Variants in PTPN22 observed in about 807,000 individuals in gnomAD.
The protein encoded by PTPN22 is tyrosine-protein phosphatase non-receptor type 22.
Under a neutral mutation model 103.3 loss-of-function variants are expected in PTPN22, and 85 were observed. The ratio of observed to expected loss-of-function variants is 0.82; its 90% CI spans 0.69 to 0.99. The LOEUF (loss-of-function observed/expected upper bound fraction) is 0.99, where lower values mean the gene tolerates loss of function less well. Among genes scored for constraint, PTPN22 ranks in the 50% least tolerant of loss-of-function variants. The probability of loss-of-function intolerance (pLI) is 0.00; values close to 1 mark genes in which losing one functional copy is unlikely to be tolerated. For missense variants in PTPN22, 865 were observed against 936.9 expected (o/e 0.92, Z 1.00); for synonymous variants, 323 against 310.2 (o/e 1.04, Z -0.43).
Position 113,838,523 on chromosome 1 carries a change from G to T in PTPN22, c.992+21C>A, listed in dbSNP as rs537000623. ...CCCAGACACAATTAGTCAACATTTAGATATATAAAATTGTACTCACCTTTT... is the reference window on the plus strand; with the variant it reads ...CCCAGACACAATTAGTCAACATTTATATATATAAAATTGTACTCACCTTTT... On this transcript the variant is annotated intron_variant, in intron 12 of 20. Coordinates refer to ENST00000359785, the Ensembl canonical transcript of PTPN22. The T allele has an allele frequency of 1.4e-4, 231 of 1,608,904 alleles. No individual in the cohort carries two copies. In the South Asian group the frequency reaches 2.0e-3, roughly 14 times the overall value.
At chr1:113,841,616 G>A (rs1174666316) in intron 11 of PTPN22, among the ~76,000 whole-genome samples, 2 of 139,238 alleles carry the variant, frequency 1.4e-5, no homozygotes, top group South Asian at 2.2e-4. Flanking sequence ...TTTTTTTGGT[G>A]GAGGGGGACA....
intron 11 of PTPN22, among the ~76,000 whole-genome samples, chr1:113,839,898 A>G (rs1056397287): frequency 2.3e-4 from 31 of 132,622 alleles, no homozygotes; most frequent in Non-Finnish European, 3.2e-4. Context: ...TTCTTAGGCA[A>G]GAAAAAAAAA....
At chr1:113,843,109 A>AAAAAAAAAAAG (rs1432752730) in intron 11 of PTPN22, among the ~76,000 whole-genome samples, 1 of 144,234 alleles carries the variant, frequency 6.9e-6, no homozygotes, top group South Asian at 2.2e-4. Flanking sequence ...CAAAAAAAAA[A>AAAAAAAAAAAG]AAAAAGAAAA....
rs115684354 is a variant in PTPN22, at chr1:113,839,229, C to T, written c.916-609G>A. ...CCCAACCTAAAATCACATTTCTTCC[C>T]CTGTCCAGCCATGCTCAATCTTCTT... On this transcript the variant is annotated intron_variant, in intron 11 of 20. Coordinates refer to ENST00000359785, the Ensembl canonical transcript of PTPN22. Among the ~76,000 whole-genome samples, 1,485 of 152,172 alleles carry T rather than the reference C, an allele frequency of 9.8e-3. 22 individuals carry two copies. Among genetic ancestry groups the T allele is most frequent in the African/African-American group, 0.033 (1,386 of 41,512 alleles).
At chr1:113,832,876 T>C (rs1275309865) in intron 16 of PTPN22, 5 of 372,694 alleles carry the variant, frequency 1.3e-5, no homozygotes, top group African/African-American at 1.1e-4. Flanking sequence ...CTCTCTGAAA[T>C]AGTTTTTATA....
chr1:113,867,239 A>G (rs747563129), intron 1 of PTPN22, among the ~76,000 whole-genome samples: 2 of 152,168 alleles, frequency 1.3e-5, no homozygotes, highest in African/African-American at 4.8e-5. Context: ...TCCTTACCCT[A>G]AAACTTACCC....
intron 13 of PTPN22, 128 bp downstream of exon 13, chr1:113,837,454 AAAAAAAAG>A: frequency 1.4e-6 from 1 of 696,656 alleles, no homozygotes; most frequent in East Asian, 2.9e-5. Flanking sequence ...CATCTCAAAA[AAAAAAAAG>A]AAAAAAAAGA....
rs557569945 is a variant in PTPN22, at chr1:113,870,802, T to C, written c.87+735A>G. Among the ~76,000 whole-genome samples the C allele has an allele frequency of 2.0e-5, 3 of 152,308 alleles. No individual in the cohort carries two copies. The East Asian group carries it at 5.8e-4, about 29-fold the overall frequency. On this transcript the variant is annotated intron_variant, in intron 1 of 20. Transcript: ENST00000359785. ...TGGGAGGCAAGATGGGAGGATTGCT[T>C]GAAGCCAGGAGTTCGAGACAAGCCT...
rs1030101147 is a variant in PTPN22 at position 113,853,569 on chromosome 1, C to T, written c.750+902G>A. 4.6e-5 allele frequency among the ~76,000 whole-genome samples: 7 copies of T among 151,624 alleles called. No individual in the cohort carries two copies. The East Asian group carries it at 5.8e-4, about 13-fold the overall frequency. On this transcript the variant is annotated intron_variant, in intron 9 of 20. Coordinates refer to ENST00000359785, the Ensembl canonical transcript of PTPN22. ...TTCACCATGTTGGTCAGGCTGGTCT[C>T]GAACTCCCAACTTTAGGTGATCAGC... is the stretch of plus-strand genomic sequence containing the variant.
chr1:113,814,669 T>C, exon 21 of PTPN22: 1 of 489,880 alleles, frequency 2.0e-6, no homozygotes. Context: ...TAGCATTCTG[T>C]ACATAAGCTC....
chr1:113,866,560 A>G (rs1666138728), intron 1 of PTPN22, among the ~76,000 whole-genome samples: 1 of 152,084 alleles, frequency 6.6e-6, no homozygotes, highest in Non-Finnish European at 1.5e-5. Flanking sequence ...AGACAAATAT[A>G]TGTCCATGTG....
chr1:113,862,422 G>T (rs1398507328), intron 1 of PTPN22, among the ~76,000 whole-genome samples: 1 of 152,158 alleles, frequency 6.6e-6, no homozygotes, highest in Admixed American at 6.5e-5. Flanking sequence ...AGTTCATTTG[G>T]TTTGTAGATG....
At chr1:113,857,657 G>C in intron 5 of PTPN22, 81 bp downstream of exon 5, 1 of 1,315,240 alleles carries the variant, frequency 7.6e-7, no homozygotes, top group Non-Finnish European at 1.1e-6. Context: ...GGTACACTCA[G>C]GTAAGTTCTG....
At chr1:113,823,788 A>G (rs1237827339) in intron 19 of PTPN22, among the ~76,000 whole-genome samples, 1 of 152,146 alleles carries the variant, frequency 6.6e-6, no homozygotes, top group Non-Finnish European at 1.5e-5. Context: ...CATAATTTCC[A>G]TTTGAAATGT....
intron 13 of PTPN22, among the ~76,000 whole-genome samples, chr1:113,835,585 T>TTAATATAATATAATA (rs1342578237): frequency 1.2e-4 from 18 of 152,152 alleles, no homozygotes; most frequent in Admixed American, 6.5e-5. Context: ...GGTGTATCAG[T>TTAATATAATATAATA]TAACATAAAA....
At chr1:113,851,917 T>C (rs1664602401) in intron 10 of PTPN22, 110 bp downstream of exon 10, 1 of 651,478 alleles carries the variant, frequency 1.5e-6, no homozygotes. Context: ...GAGCACGTAA[T>C]GGTAAATTGG....
At chr1:113,856,716 T>C in intron 5 of PTPN22, 97 bp from the exon 6 acceptor site, 2 of 1,540,316 alleles carry the variant, frequency 1.3e-6, no homozygotes, top group East Asian at 2.3e-5. Flanking sequence ...GTCCTTCACC[T>C]TAGGTTAGGT....
chr1:113,857,452 C>T, intron 5 of PTPN22: 1 of 283,484 alleles, frequency 3.5e-6, no homozygotes, highest in South Asian at 4.8e-5. Flanking sequence ...CTCTGGCTGG[C>T]AGTTAAAGAT....
intron 7 of PTPN22, 107 bp from the exon 8 acceptor site, chr1:113,855,156 T>C: frequency 1.0e-6 from 1 of 972,510 alleles, no homozygotes; most frequent in Non-Finnish European, 1.5e-6. Context: ...GTGGCATGCA[T>C]GCAACAAACC....
Sources: allele counts gnomAD v4.1 joint callset (sites outside exome capture counted in the v4.1 genomes callset), GRCh38; gene constraint gnomAD v4.1.1; transcripts MANE v1.5; gene names NCBI Gene and HGNC (gene_info 2026-07-23, HGNC 2026-07-21).